PTPRO: variants seen among roughly 807,000 people sequenced by gnomAD.
The protein encoded by PTPRO is receptor-type tyrosine-protein phosphatase O.
PTPRO carries 62 observed loss-of-function variants against 145.2 expected under a neutral mutation model. The ratio of observed to expected loss-of-function variants is 0.43; its 90% CI spans 0.35 to 0.53. The LOEUF is 0.53. Among genes scored for constraint, PTPRO ranks in the 20% least tolerant of loss-of-function variants. The pLI is 0.01. For synonymous variants in PTPRO, 565 were observed against 514.7 expected (o/e 1.10, Z -1.32); for missense variants, 1,345 against 1,482.7 (o/e 0.91, Z 1.53).
intron 1 of PTPRO, among the ~76,000 whole-genome samples, chr12:15,382,445 A>G (rs1591761200): frequency 2.0e-5 from 3 of 152,180 alleles, no homozygotes; most frequent in African/African-American, 7.2e-5. Flanking sequence ...CAATACCAAC[A>G]GGGAGGCCCT....
chr12:15,370,017 A>T (rs1049707420), intron 1 of PTPRO, among the ~76,000 whole-genome samples: 1 of 151,784 alleles, frequency 6.6e-6, no homozygotes, highest in Non-Finnish European at 1.5e-5. Context: ...GCCCCACTCC[A>T]CTCCAGCCTG....
At chr12:15,446,737 A>G (rs1940912330) in intron 1 of PTPRO, among the ~76,000 whole-genome samples, 1 of 151,290 alleles carries the variant, frequency 6.6e-6, no homozygotes, top group South Asian at 2.1e-4. Context: ...TAGGGTAAAT[A>G]AATATAAGTA....
chr12:15,583,890 A>C (rs1425899765), intron 23 of PTPRO, among the ~76,000 whole-genome samples: 1 of 152,206 alleles, frequency 6.6e-6, no homozygotes, highest in Non-Finnish European at 1.5e-5. Flanking sequence ...TTTTATGACC[A>C]GGAGAATTCA....
At chr12:15,510,237 G>A (rs1470345678) in intron 7 of PTPRO, among the ~76,000 whole-genome samples, 6 of 152,128 alleles carry the variant, frequency 3.9e-5, no homozygotes, top group African/African-American at 1.4e-4. Context: ...GCACTAGAAA[G>A]CCATAGAATG....
rs931142059 is a variant in PTPRO, at chr12:15,456,596, C to G, written c.76-27378C>G. Among the ~76,000 whole-genome samples the G allele has an allele frequency of 1.3e-5, 2 of 152,254 alleles. 1 individual carries two copies. The highest frequency in any genetic ancestry group is 4.2e-4 in the South Asian group (2 of 4,808). On this transcript the variant is annotated intron_variant, in intron 1 of 26. Coordinates refer to ENST00000281171, the MANE Select transcript of PTPRO (RefSeq NM_030667.3). ...ATGTTTGGTAGGAGTCACCATTTGACTTTTCTTTGTTGAAAAGTATTTGAT... is the reference window on the plus strand; with the variant it reads ...ATGTTTGGTAGGAGTCACCATTTGAGTTTTCTTTGTTGAAAAGTATTTGAT...
At chr12:15,580,650 T>C in intron 21 of PTPRO, 47 bp from the exon 22 acceptor site, 1 of 1,613,106 alleles carries the variant, frequency 6.2e-7, no homozygotes, top group Admixed American at 1.7e-5. Context: ...CAGCATTTGG[T>C]GTTGACAGTG....
At position 15,415,386 on chromosome 12, in the gene PTPRO, A is replaced by ATTTTTT. The variant is rs58919838; in HGVS notation, c.76-68577_76-68572dup. On this transcript the variant is annotated intron_variant, in intron 1 of 26. Transcript: ENST00000281171. ...ATCAGGGATTTGTTAGGTGAAATGA[A>ATTTTTT]TTTTTTTTTTTTTTTTGAGATGGAG... 2.3e-4 allele frequency among the ~76,000 whole-genome samples: 31 copies of ATTTTTT among 132,520 alleles called. No individual in the cohort carries two copies. In the South Asian group the frequency reaches 7.3e-3, roughly 31 times the overall value. 86.9% of individuals were successfully genotyped at this position (132,520 alleles called of 152,430 possible). A position where few individuals can be genotyped will look rare whatever the true frequency, so the allele number is the denominator to read the frequency against.
In PTPRO at chr12:15,497,256, G is replaced by A. The variant is rs1409735572; in HGVS notation, c.361G>A (p.Val121Ile). The change falls in exon 3 of 27, where the codon GTA becomes ATA. Residue 121 changes from valine to isoleucine, a missense_variant. Coordinates refer to ENST00000281171, the MANE Select transcript of PTPRO (RefSeq NM_030667.3). ...SITVLTKPLP[V>I]TSVSIYDYKP... Reference sequence around the variant, plus strand: ...CTTCACTTCTGTAGAACCTCTACCTGTAACCAGTGTTTCCATATATGACTA... The same window carrying A: ...CTTCACTTCTGTAGAACCTCTACCTATAACCAGTGTTTCCATATATGACTA... 1.9e-6 allele frequency: 3 copies of A among 1,571,956 alleles called. No individual in the cohort carries two copies. The highest frequency in any genetic ancestry group is 1.1e-5 in the South Asian group (1 of 90,138).
intron 12 of PTPRO, 62 bp downstream of exon 12, chr12:15,526,324 G>A (rs543754968): frequency 1.3e-6 from 2 of 1,593,234 alleles, no homozygotes; most frequent in South Asian, 2.2e-5. Context: ...ATTCGATTCA[G>A]CAAGAGCTCC....
At chr12:15,458,714 C>T (rs1017202246) in intron 1 of PTPRO, among the ~76,000 whole-genome samples, 1 of 151,620 alleles carries the variant, frequency 6.6e-6, no homozygotes, top group Non-Finnish European at 1.5e-5. Context: ...TTAATGTTTT[C>T]TATTTCTTTG....
At chr12:15,506,700 C>T (rs1167046041) in intron 6 of PTPRO, among the ~76,000 whole-genome samples, 1 of 152,156 alleles carries the variant, frequency 6.6e-6, no homozygotes, top group African/African-American at 2.4e-5. Context: ...CCAATTACCT[C>T]CCATCAGGTC....
At chr12:15,498,344 C>G (rs930599230) in intron 3 of PTPRO, among the ~76,000 whole-genome samples, 3 of 152,158 alleles carry the variant, frequency 2.0e-5, no homozygotes, top group African/African-American at 7.2e-5. Flanking sequence ...CACTTGCGTT[C>G]AGGAGTTTGA....
chr12:15,569,139 G>A (rs568828954), intron 18 of PTPRO, among the ~76,000 whole-genome samples: 305 of 152,102 alleles, frequency 2.0e-3, no homozygotes, highest in Non-Finnish European at 3.7e-3. Context: ...GTGTGTATAC[G>A]AGTATGCATA....
chr12:15,355,376 CA>C (rs1263334556), intron 1 of PTPRO, among the ~76,000 whole-genome samples: 1 of 152,194 alleles, frequency 6.6e-6, no homozygotes, highest in Non-Finnish European at 1.5e-5. Flanking sequence ...ATGTTCATTT[CA>C]TGGCCTTAGT....
At chr12:15,429,463 G>A (rs886232561) in intron 1 of PTPRO, among the ~76,000 whole-genome samples, 6 of 152,134 alleles carry the variant, frequency 3.9e-5, no homozygotes, top group African/African-American at 1.4e-4. Flanking sequence ...TCCACAGGAT[G>A]AATGGGAATA....
At chr12:15,514,832 C>T (rs558091800) in intron 7 of PTPRO, among the ~76,000 whole-genome samples, 8 of 151,906 alleles carry the variant, frequency 5.3e-5, no homozygotes, top group Non-Finnish European at 8.8e-5. Context: ...GGCACAAACT[C>T]GGCTCACTGC....
intron 17 of PTPRO, among the ~76,000 whole-genome samples, chr12:15,564,145 A>T (rs1404819009): frequency 3.3e-5 from 5 of 152,224 alleles, no homozygotes; most frequent in Admixed American, 2.6e-4. Flanking sequence ...GAAGACAAAG[A>T]GGATGAGGGA....
intron 20 of PTPRO, 56 bp downstream of exon 20, chr12:15,578,999 A>G (rs970349116): frequency 3.3e-5 from 47 of 1,420,660 alleles, no homozygotes; most frequent in Non-Finnish European, 4.5e-5. Flanking sequence ...AAGGACTGTC[A>G]TTGCAGATTA....
intron 26 of PTPRO, 35 bp downstream of exon 26, chr12:15,595,092 C>A: frequency 7.4e-7 from 1 of 1,350,942 alleles, no homozygotes; most frequent in South Asian, 1.2e-5. Context: ...AGTGCTCAGT[C>A]TTAGAACTAT....
Sources: gnomAD v4.1 joint callset for allele counts (sites outside exome capture counted in the v4.1 genomes callset) on GRCh38, gnomAD v4.1.1 for gene constraint, MANE v1.5 for transcripts, NCBI Gene and HGNC (gene_info 2026-07-23, HGNC 2026-07-21) for gene names.